The following USH2A variants were observed in gnomAD, a reference collection of about 807,000 sequenced individuals.
USH2A encodes the protein Usher syndrome 2A (autosomal recessive, mild).
In USH2A, 443 loss-of-function variants were observed where a neutral mutation model predicts 538.9. That is an observed-to-expected ratio of 0.82 (90% CI 0.76 to 0.89). The LOEUF is 0.89. USH2A is among the 40% of genes least tolerant of loss of function. USH2A has a pLI of 0.00. For synonymous variants in USH2A, 2,413 were observed against 2,273.5 expected, an observed-to-expected ratio of 1.06 and a Z score of -1.75; for missense variants, 6,633 against 6,324.8, an observed-to-expected ratio of 1.05 and a Z score of -1.65.
At chr1:215,926,634 T>TTTTTTGG (rs1666244487) in intron 38 of USH2A, among the ~76,000 whole-genome samples, 1 of 148,048 alleles carries the variant, frequency 6.8e-6, no homozygotes, top group African/African-American at 2.5e-5. Context: ...TTTTTTTTTT[T>TTTTTTGG]GAGACAGAGT....
In USH2A at chr1:215,685,237, C is replaced by T. The variant is rs1340598472; in HGVS notation, c.12067-4861G>A. Among the ~76,000 whole-genome samples the T allele has an allele frequency of 5.9e-5, 9 of 151,698 alleles. No individual in the cohort carries two copies. In the South Asian group the frequency reaches 1.7e-3, roughly 28 times the overall value. On this transcript the variant is annotated intron_variant, in intron 61 of 71. Coordinates refer to ENST00000307340, the MANE Select transcript of USH2A (RefSeq NM_206933.4). Reference sequence around the variant, plus strand: ...AATTTGAGGCGTGGATTCTGCAGGACGATTTTTCCTCTCCATTTATAAAGT... The same window carrying T: ...AATTTGAGGCGTGGATTCTGCAGGATGATTTTTCCTCTCCATTTATAAAGT...
At chr1:216,082,635 A>G (rs946774928) in intron 26 of USH2A, among the ~76,000 whole-genome samples, 2 of 152,144 alleles carry the variant, frequency 1.3e-5, no homozygotes, top group Non-Finnish European at 2.9e-5. Context: ...TAACGTATTT[A>G]ACAGTGGTAT....
intron 3 of USH2A, among the ~76,000 whole-genome samples, chr1:216,414,252 A>G (rs1382191421): frequency 6.6e-6 from 1 of 152,104 alleles, no homozygotes; most frequent in African/African-American, 2.4e-5. Context: ...GAAATAGCCA[A>G]TATATTAAAC....
chr1:215,936,526 C>T (rs1666502054), intron 37 of USH2A, among the ~76,000 whole-genome samples: 1 of 151,990 alleles, frequency 6.6e-6, no homozygotes, highest in South Asian at 2.1e-4. Context: ...ATTTACATTG[C>T]AGTGCTATTG....
intron 55 of USH2A, among the ~76,000 whole-genome samples, chr1:215,778,006 G>T (rs1413051327): frequency 2.0e-5 from 3 of 151,104 alleles, no homozygotes; most frequent in African/African-American, 4.9e-5. Flanking sequence ...TAAGATAAAA[G>T]AAATAATTTT....
At chr1:216,193,311 T>C (rs1310702075) in intron 19 of USH2A, among the ~76,000 whole-genome samples, 1 of 152,136 alleles carries the variant, frequency 6.6e-6, no homozygotes, top group Non-Finnish European at 1.5e-5. Flanking sequence ...ATATATATTA[T>C]GCCAGTTGTG....
chr1:216,099,923 A>G (rs920610082), intron 21 of USH2A, among the ~76,000 whole-genome samples: 3 of 152,212 alleles, frequency 2.0e-5, no homozygotes, highest in Admixed American at 6.5e-5. Flanking sequence ...AGGAAAATAC[A>G]TTGGCAATCA....
chr1:215,753,138 A>G (rs1323971805), intron 58 of USH2A, among the ~76,000 whole-genome samples: 1 of 152,026 alleles, frequency 6.6e-6, no homozygotes, highest in Non-Finnish European at 1.5e-5. Context: ...TTAGAATGGC[A>G]ATCATTAAAA....
chr1:215,982,165 T>G (rs1667767269), intron 35 of USH2A, among the ~76,000 whole-genome samples: 1 of 152,192 alleles, frequency 6.6e-6, no homozygotes, highest in Non-Finnish European at 1.5e-5. Flanking sequence ...TAAAACTTGG[T>G]TAGATAGCAA....
intron 22 of USH2A, among the ~76,000 whole-genome samples, chr1:216,090,065 A>C (rs529699270): frequency 1.0e-3 from 159 of 152,156 alleles, no homozygotes; most frequent in Middle Eastern, 3.4e-3. Flanking sequence ...TTCTTAATAA[A>C]GTTGATTTAC....
chr1:215,723,024 A>G (rs1279785083), intron 61 of USH2A, among the ~76,000 whole-genome samples: 2 of 152,164 alleles, frequency 1.3e-5, no homozygotes, highest in African/African-American at 4.8e-5. Context: ...CATGCCAAGC[A>G]AGGCTAAATA....
At chr1:216,296,575 A>G (rs1260417284) in intron 9 of USH2A, among the ~76,000 whole-genome samples, 1 of 152,106 alleles carries the variant, frequency 6.6e-6, no homozygotes, top group Non-Finnish European at 1.5e-5. Context: ...TAATGTCCAA[A>G]GAAAGTTGTT....
At chr1:215,968,120 A>AGC in intron 36 of USH2A, among the ~76,000 whole-genome samples, 1 of 152,200 alleles carries the variant, frequency 6.6e-6, no homozygotes, top group Non-Finnish European at 1.5e-5. Flanking sequence ...AGCATTTAAA[A>AGC]AGTTCCTGCT....
At chr1:216,046,407 C>G in intron 32 of USH2A, 24 bp downstream of exon 32, 1 of 1,612,816 alleles carries the variant, frequency 6.2e-7, no homozygotes, top group Non-Finnish European at 8.5e-7. Flanking sequence ...TATAACAATT[C>G]GCTGATAACT....
intron 11 of USH2A, among the ~76,000 whole-genome samples, chr1:216,275,135 T>C (rs2036646671): frequency 6.6e-6 from 1 of 151,614 alleles, no homozygotes; most frequent in South Asian, 2.1e-4. Flanking sequence ...TGCATTATTC[T>C]CTCTCTCTCT....
chr1:215,938,165 A>C lies in USH2A; in HGVS notation c.7121-3370T>G, dbSNP rs573695062. ...TACATAACCATTTTGCTCAGCTCAA[A>C]AAAGAACTTGTACATCTCCAGTAAC... is the stretch of plus-strand genomic sequence containing the variant. On this transcript the variant is annotated intron_variant, in intron 37 of 71. Transcript: ENST00000307340. Among the ~76,000 whole-genome samples, 3 of 152,248 alleles carry C rather than the reference A, an allele frequency of 2.0e-5. No homozygotes were observed. The South Asian group carries it at 6.2e-4, about 32-fold the overall frequency.
chr1:215,741,383 A>G lies in USH2A; in HGVS notation c.11703T>C (p.Phe3901=), dbSNP rs751845254. ...GTAACAGCCAATCTTACCTGTAAATAAAGTAGTTGATGATGATTCCATTTG... is the reference window on the plus strand; with the variant it reads ...GTAACAGCCAATCTTACCTGTAAATGAAGTAGTTGATGATGATTCCATTTG... ...EKPNGIIINY[F]IYRRPAGIEE... Residue 3901 remains phenylalanine (F), a synonymous_variant, in exon 60 of 72, where the codon TTT becomes TTC. Transcript: ENST00000307340. 3.1e-6 allele frequency: 5 copies of G among 1,614,128 alleles called. No homozygotes were observed. The Admixed American group carries it at 8.3e-5, about 27-fold the overall frequency.
intron 61 of USH2A, among the ~76,000 whole-genome samples, chr1:215,697,589 T>A (rs1658861148): frequency 6.6e-6 from 1 of 152,178 alleles, no homozygotes; most frequent in South Asian, 2.1e-4. Flanking sequence ...TGGCACGATC[T>A]CGGCTCACTG....
At chr1:215,814,538 T>C (rs1271253527) in intron 48 of USH2A, among the ~76,000 whole-genome samples, 1 of 152,062 alleles carries the variant, frequency 6.6e-6, no homozygotes, top group Admixed American at 6.6e-5. Context: ...GGAAAGAGAC[T>C]TTTATTGTAG....
Sources: allele counts gnomAD v4.1 joint callset (sites outside exome capture counted in the v4.1 genomes callset), GRCh38; gene constraint gnomAD v4.1.1; transcripts MANE v1.5; gene names NCBI Gene and HGNC (gene_info 2026-07-23, HGNC 2026-07-21).